The following H1-8 variants were observed in gnomAD, a reference collection of about 807,000 sequenced individuals.
H1-8 encodes the protein H1.8 linker histone.
A neutral mutation model predicts 19.5 loss-of-function variants in H1-8; 13 were observed. The ratio of observed to expected loss-of-function variants is 0.67; its 90% CI spans 0.43 to 1.06. The LOEUF is 1.06. H1-8 is among the 50% of genes least tolerant of loss of function. H1-8 has a pLI of 0.00. For synonymous variants in H1-8, 193 were observed against 187.6 expected (o/e 1.03, Z -0.24); for missense variants, 432 against 459.8 (o/e 0.94, Z 0.55).
At chr3:129,549,412 A>G in intron 3 of H1-8, 48 bp downstream of exon 3, 1 of 1,476,984 alleles carries the variant, frequency 6.8e-7, no homozygotes, top group Non-Finnish European at 9.0e-7. Context: ...GGGTCTTGAC[A>G]GCCACTGGAG....
rs2084911471 is a variant in H1-8, at chr3:129,549,016, A to G, written c.394A>G (p.Lys132Glu). ...CCTTCTCCAGTTAGTTCCCAAGCAC[A>G]AGAAGAAAATCCAGCCCAGGAAGAT... Reference protein sequence around the residue: ...TGSFKLVPKHKKKIQPRKMAP... With the variant: ...TGSFKLVPKHEKKIQPRKMAP... The change falls in exon 3 of 5, where the codon AAG becomes GAG. Residue 132 changes from lysine (K) to glutamate (E), a missense_variant. Lys to Glu is a moderately conservative substitution (Grantham distance 56, BLOSUM62 1). Transcript: ENST00000324382. 6.2e-7 allele frequency: 1 copy of G among 1,608,480 alleles called. No individual in the cohort carries two copies. Among genetic ancestry groups the G allele is most frequent in the South Asian group, 1.1e-5 (1 of 90,468 alleles).
Position 129,549,304 on chromosome 3 carries a change from C to A in H1-8, c.682C>A (p.Pro228Thr). Residue 228 changes from proline to threonine, a missense_variant, in exon 3 of 5, where the codon CCT (proline) becomes ACT (threonine). Transcript: ENST00000324382. ...CAAGCCAGACAAGGCCATGCGGGCA[C>A]CTTCCAGTGCTGGTGGGCTCAGCAG... The part of the protein sequence containing the change: ...PPKPDKAMRA[P>T]SSAGGLSRKA... 6.2e-7 allele frequency: 1 copy of A among 1,605,008 alleles called. No individual in the cohort carries two copies. Among genetic ancestry groups the A allele is most frequent in the Non-Finnish European group, 8.5e-7 (1 of 1,177,214 alleles).
chr3:129,548,800 G>A (rs2084909499), intron 2 of H1-8, among the ~76,000 whole-genome samples: 1 of 152,134 alleles, frequency 6.6e-6, no homozygotes, highest in African/African-American at 2.4e-5. Flanking sequence ...GCCTAGGGCA[G>A]GTGGTTGAGA....
intron 3 of H1-8, among the ~76,000 whole-genome samples, chr3:129,549,946 T>G (rs2084921660): frequency 6.6e-6 from 1 of 151,330 alleles, no homozygotes; most frequent in Admixed American, 6.6e-5. Context: ...AGAGTGACAC[T>G]CAGTCTCAAA....
chr3:129,551,215 A>G lies in H1-8; in HGVS notation c.916A>G (p.Ser306Gly). Residue 306 changes from serine to glycine, a missense_variant, in exon 5 of 5, where the codon AGT becomes GGT. Ser to Gly is a moderately conservative substitution (Grantham distance 56). Coordinates refer to ENST00000324382, the MANE Select transcript of H1-8 (RefSeq NM_153833.3). ...NTKAAAPAKG[S>G]GSKVVPAHLS... ...CAAGGCTGCTGCTCCTGCTAAGGGC[A>G]GTGGGTCCAAGGTGGTACCTGCACA... The G allele has an allele frequency of 6.2e-7, 1 of 1,614,246 alleles. No individual in the cohort carries two copies. Among genetic ancestry groups the G allele is most frequent in the Non-Finnish European group, 8.5e-7 (1 of 1,180,036 alleles).
intron 3 of H1-8, 24 bp from the exon 4 acceptor site, chr3:129,550,721 A>G: frequency 2.5e-6 from 4 of 1,609,094 alleles, no homozygotes; most frequent in Middle Eastern, 3.3e-4. Context: ...CTTCCCCTAT[A>G]AAACCTCCTC....
In H1-8 at chr3:129,549,147, G is replaced by A. The variant is rs747641492; in HGVS notation, c.525G>A (p.Lys175=). The A allele has an allele frequency of 3.2e-6, 5 of 1,570,604 alleles. No individual in the cohort carries two copies. The African/African-American group carries it at 6.8e-5, about 21-fold the overall frequency. Residue 175 remains lysine (K), a synonymous_variant, in exon 3 of 5, where the codon AAG becomes AAA. Coordinates refer to ENST00000324382, the MANE Select transcript of H1-8 (RefSeq NM_153833.3). ...EDPPNVGKVK[K]AAKRPAKVQK... ...CTCCCAACGTGGGCAAGGTGAAAAA[G>A]GCAGCCAAGAGGCCAGCAAAGGTGC...
chr3:129,545,295 AGATT>A (rs1295330333), intron 1 of H1-8, among the ~76,000 whole-genome samples: 1 of 152,206 alleles, frequency 6.6e-6, no homozygotes, highest in African/African-American at 2.4e-5. Context: ...TAAATTCTGC[AGATT>A]GATCAGAAAT....
At position 129,551,166 on chromosome 3, in the gene H1-8, T is replaced by G. The variant is rs749181672; in HGVS notation, c.867T>G (p.Pro289=). 1.2e-6 allele frequency: 2 copies of G among 1,614,248 alleles called. No individual in the cohort carries two copies. The highest frequency in any genetic ancestry group is 1.7e-6 in the Non-Finnish European group (2 of 1,180,042). ...KKKVVAKAKA[P]KAGQGPNTKA... is the part of the protein sequence containing the mutation. ...AGGTGGTGGCCAAGGCCAAGGCCCC[T>G]AAAGCTGGGCAGGGGCCAAACACCA... The change falls in exon 5 of 5, where the codon CCT becomes CCG. Residue 289 remains proline (P), a synonymous_variant. Coordinates refer to ENST00000324382, the MANE Select transcript of H1-8 (RefSeq NM_153833.3).
chr3:129,546,574 T>C (rs2625958), intron 1 of H1-8, among the ~76,000 whole-genome samples: 57,302 of 152,192 alleles, frequency 0.38, 16,930 homozygotes, highest in African/African-American at 0.8. Flanking sequence ...ATTAGCACAC[T>C]TGAAACAATA....
chr3:129,548,321 T>A (rs975163642), intron 2 of H1-8: 6 of 985,882 alleles, frequency 6.1e-6, no homozygotes, highest in Non-Finnish European at 7.2e-6. Context: ...TGTGGTTACC[T>A]GGTGACAGAT....
intron 1 of H1-8, among the ~76,000 whole-genome samples, chr3:129,544,014 G>A (rs528148968): frequency 5.3e-5 from 8 of 152,164 alleles, no homozygotes; most frequent in Non-Finnish European, 1.2e-4. Context: ...TCCAGGTGCC[G>A]AGAAGTAAAA....
intron 1 of H1-8, 50 bp from the exon 2 acceptor site, chr3:129,547,341 C>G (rs1578289633): frequency 6.9e-7 from 1 of 1,454,860 alleles, no homozygotes. Flanking sequence ...CTGATGCCTG[C>G]CACTGAGTTG....
At position 129,551,182 on chromosome 3, in the gene H1-8, C is replaced by A; in HGVS notation, c.883C>A (p.Pro295Thr). Residue 295 changes from proline to threonine, a missense_variant, in exon 5 of 5, where the codon CCA becomes ACA. Coordinates refer to ENST00000324382, the MANE Select transcript of H1-8 (RefSeq NM_153833.3). ...KAKAPKAGQG[P>T]NTKAAAPAKG... is the part of the protein sequence containing the mutation. Reference sequence around the variant, plus strand: ...CAAGGCCCCTAAAGCTGGGCAGGGGCCAAACACCAAGGCTGCTGCTCCTGC... The same window carrying A: ...CAAGGCCCCTAAAGCTGGGCAGGGGACAAACACCAAGGCTGCTGCTCCTGC... The A allele has an allele frequency of 1.2e-6, 2 of 1,614,254 alleles. No individual in the cohort carries two copies. Among genetic ancestry groups the A allele is most frequent in the South Asian group, 1.1e-5 (1 of 91,088 alleles).
intron 1 of H1-8, 70 bp from the exon 2 acceptor site, chr3:129,547,321 C>G (rs2084896037): frequency 2.1e-6 from 3 of 1,428,564 alleles, no homozygotes; most frequent in South Asian, 3.0e-5. Context: ...ACCCACCCCC[C>G]ACGGGCCAGC....
chr3:129,547,909 T>C (rs2084902789), intron 2 of H1-8, among the ~76,000 whole-genome samples: 1 of 152,144 alleles, frequency 6.6e-6, no homozygotes, highest in Non-Finnish European at 1.5e-5. Flanking sequence ...AACTGTTGCA[T>C]GTTTGGGATC....
chr3:129,549,271 G>T lies in H1-8; in HGVS notation c.649G>T (p.Val217Leu), dbSNP rs1399695496. 3 of 1,572,520 alleles carry T rather than the reference G, an allele frequency of 1.9e-6. No individual in the cohort carries two copies. Among genetic ancestry groups the T allele is most frequent in the Middle Eastern group, 1.7e-4 (1 of 5,970 alleles). Reference sequence around the variant, plus strand: ...GGCACAGTCGGGAGAGGCTAGGAAGGTGCCCCCCAAGCCAGACAAGGCCAT... The same window carrying T: ...GGCACAGTCGGGAGAGGCTAGGAAGTTGCCCCCCAAGCCAGACAAGGCCAT... Reference protein sequence around the residue: ...TRAQSGEARKVPPKPDKAMRA... With the variant: ...TRAQSGEARKLPPKPDKAMRA... The change falls in exon 3 of 5, where the codon GTG becomes TTG. Residue 217 changes from valine (V) to leucine (L), a missense_variant. Val to Leu is a conservative substitution (Grantham distance 32). Coordinates refer to ENST00000324382, the MANE Select transcript of H1-8 (RefSeq NM_153833.3).
chr3:129,544,598 C>A (rs1350127079), intron 1 of H1-8, among the ~76,000 whole-genome samples: 1 of 151,800 alleles, frequency 6.6e-6, no homozygotes, highest in African/African-American at 2.4e-5. Context: ...TTCTGGACAT[C>A]CTGGTATACA....
chr3:129,543,246 A>G lies in H1-8; in HGVS notation c.28A>G (p.Ile10Val), dbSNP rs767298971. The G allele has an allele frequency of 3.1e-6, 5 of 1,613,632 alleles. No homozygotes were observed. The highest frequency in any genetic ancestry group is 4.2e-6 in the Non-Finnish European group (5 of 1,179,808). MAPGSVTSDISPSSTSTAGS... is the reference protein window; with the variant it reads MAPGSVTSDVSPSSTSTAGS... ...GGCTCCTGGGAGCGTCACCAGCGAC[A>G]TCTCACCCTCCTCGACTTCCACAGC... is the stretch of plus-strand genomic sequence containing the variant. Residue 10 changes from isoleucine to valine, a missense_variant, in exon 1 of 5, where the codon ATC becomes GTC. Physicochemically the swap from Ile to Val is conservative, Grantham distance 29. Transcript: ENST00000324382.
Sources: allele counts gnomAD v4.1 joint callset (sites outside exome capture counted in the v4.1 genomes callset), GRCh38; gene constraint gnomAD v4.1.1; transcripts MANE v1.5; gene names NCBI Gene and HGNC (gene_info 2026-07-23, HGNC 2026-07-21).